ZDHHC15: variants seen among roughly 807,000 people sequenced by gnomAD.
ZDHHC15 encodes palmitoyltransferase ZDHHC15.
ZDHHC15 carries 19 observed loss-of-function variants against 31.7 expected under a neutral mutation model. The ratio of observed to expected loss-of-function variants is 0.60; its 90% CI spans 0.42 to 0.88. The LOEUF is 0.88. ZDHHC15 is among the 40% of genes least tolerant of loss of function. The probability of loss-of-function intolerance (pLI) is 0.00; values close to 1 mark genes in which losing one functional copy is unlikely to be tolerated. For synonymous variants in ZDHHC15, 103 were observed against 90.0 expected (o/e 1.14, Z -0.82); for missense variants, 209 against 251.2 (o/e 0.83, Z 1.14).
intron 1 of ZDHHC15, among the ~76,000 whole-genome samples, chrX:75,508,031 G>A (rs2085194531): frequency 9.0e-6 from 1 of 111,218 alleles, no homozygotes; most frequent in South Asian, 3.8e-4. Flanking sequence ...GATATAATGT[G>A]AGCCAGGTAG....
Position 75,517,030 on chromosome X carries a change from C to A in ZDHHC15, c.136+5859G>T, listed in dbSNP as rs1032002796. Among the ~76,000 whole-genome samples, 3 of 111,952 alleles carry A rather than the reference C, an allele frequency of 2.7e-5. No individual in the cohort carries two copies. In the Admixed American group the frequency reaches 2.8e-4, roughly 11 times the overall value. On this transcript the variant is annotated intron_variant, in intron 1 of 11. Coordinates refer to ENST00000373367, the MANE Select transcript of ZDHHC15 (RefSeq NM_144969.3). Reference sequence around the variant, plus strand: ...ATCAGAGAAATGCAAATCAAAACCACAATGAGATACCATCTCACACCAGTT... The same window carrying A: ...ATCAGAGAAATGCAAATCAAAACCAAAATGAGATACCATCTCACACCAGTT...
chrX:75,457,735 A>G (rs958608059), intron 3 of ZDHHC15, among the ~76,000 whole-genome samples: 1 of 110,789 alleles, frequency 9.0e-6, no homozygotes, highest in African/African-American at 3.3e-5. Flanking sequence ...ACATTCATGC[A>G]TTCAACCAAC....
In ZDHHC15 at chrX:75,444,288, A is replaced by G. The variant is rs1259841128; in HGVS notation, c.379+6514T>C. On this transcript the variant is annotated intron_variant, in intron 4 of 11. Transcript: ENST00000373367. The stretch of plus-strand genomic sequence containing the variant: ...ATACACCATGGAATACTATGCAGCC[A>G]TAAAAAAGGATGAGTTCATGTCCTT... Among the ~76,000 whole-genome samples, 4 of 109,628 alleles carry G rather than the reference A, an allele frequency of 3.6e-5. No individual in the cohort carries two copies. In the East Asian group the frequency reaches 1.2e-3, roughly 32 times the overall value.
Position 75,371,415 on chromosome X carries a change from G to C in ZDHHC15, c.*1563C>G, listed in dbSNP as rs1320988291. Reference sequence around the variant, plus strand: ...CTAGTATTCTCTCAAATGTAATGCTGACCACAATCCATTTAATTTATGCCA... The same window carrying C: ...CTAGTATTCTCTCAAATGTAATGCTCACCACAATCCATTTAATTTATGCCA... On this transcript the variant is annotated 3_prime_UTR_variant, in exon 12 of 12. Coordinates refer to ENST00000373367, the MANE Select transcript of ZDHHC15 (RefSeq NM_144969.3). 3.6e-5 allele frequency: 4 copies of C among 111,630 alleles called. No homozygotes were observed. The highest frequency in any genetic ancestry group is 1.3e-4 in the African/African-American group (4 of 30,674). 9.2% of individuals were successfully genotyped at this position (111,630 alleles called of 1,213,427 possible).
chrX:75,487,769 G>C (rs1040842363), intron 2 of ZDHHC15, among the ~76,000 whole-genome samples: 1 of 111,406 alleles, frequency 9.0e-6, no homozygotes. Context: ...CCAGCTTAAA[G>C]AAATTAAAAA....
At chrX:75,400,254 A>G (rs1263720801) in intron 10 of ZDHHC15, among the ~76,000 whole-genome samples, 1 of 111,945 alleles carries the variant, frequency 8.9e-6, no homozygotes, top group African/African-American at 3.2e-5. Flanking sequence ...CAGGAGCTGA[A>G]GGATAAAATA....
intron 3 of ZDHHC15, among the ~76,000 whole-genome samples, chrX:75,467,491 T>A (rs2084425356): frequency 8.9e-6 from 1 of 112,463 alleles, no homozygotes; most frequent in Non-Finnish European, 1.9e-5. Flanking sequence ...ATGAGGCAAT[T>A]GATGATAGAT....
chrX:75,459,238 C>A (rs1336050410), intron 3 of ZDHHC15, among the ~76,000 whole-genome samples: 2 of 110,775 alleles, frequency 1.8e-5, no homozygotes, highest in Non-Finnish European at 3.8e-5. Context: ...GTAGCCCCAG[C>A]AAGGTGGGAG....
chrX:75,508,578 T>G, intron 1 of ZDHHC15, among the ~76,000 whole-genome samples: 1 of 109,846 alleles, frequency 9.1e-6, no homozygotes, highest in Non-Finnish European at 1.9e-5. Context: ...TGCAAGTCTT[T>G]GCTATTGTGA....
intron 4 of ZDHHC15, among the ~76,000 whole-genome samples, chrX:75,437,368 G>C (rs1329517905): frequency 1.1e-5 from 1 of 95,124 alleles, no homozygotes; most frequent in Non-Finnish European, 2.1e-5. Flanking sequence ...CATGTGCCAT[G>C]CTGGTGTGCT....
chrX:75,470,391 C>T (rs1316781747), intron 3 of ZDHHC15, among the ~76,000 whole-genome samples: 5 of 110,920 alleles, frequency 4.5e-5, no homozygotes, highest in Non-Finnish European at 7.5e-5. Flanking sequence ...TTAACAAACT[C>T]CTGGAGTTTC....
chrX:75,508,676 C>T (rs75541614), intron 1 of ZDHHC15, among the ~76,000 whole-genome samples: 19,798 of 109,722 alleles, frequency 0.18, 1,960 homozygotes, highest in East Asian at 0.85. Flanking sequence ...AATGGGGTGG[C>T]TGGGTCAAAT....
At chrX:75,390,833 A>G (rs2083235067) in intron 10 of ZDHHC15, among the ~76,000 whole-genome samples, 1 of 111,906 alleles carries the variant, frequency 8.9e-6, no homozygotes, top group Admixed American at 9.5e-5. Context: ...CACAGTATCA[A>G]GACCATCCAG....
At chrX:75,470,021 G>T (rs1324205081) in intron 3 of ZDHHC15, among the ~76,000 whole-genome samples, 1 of 111,376 alleles carries the variant, frequency 9.0e-6, no homozygotes. Context: ...GCTTCTTTGT[G>T]ATGGTTAATA....
intron 8 of ZDHHC15, 56 bp from the exon 9 acceptor site, chrX:75,422,046 T>C: frequency 8.7e-7 from 1 of 1,150,008 alleles, no homozygotes; most frequent in South Asian, 2.1e-5. Context: ...AAGAAACAAA[T>C]TTCAGCATAG....
chrX:75,508,658 T>A (rs2085209124), intron 1 of ZDHHC15, among the ~76,000 whole-genome samples: 1 of 110,789 alleles, frequency 9.0e-6, no homozygotes, highest in Non-Finnish European at 1.9e-5. Context: ...TCTGGGTATA[T>A]ACCCAGTAAT....
At chrX:75,384,342 C>T in intron 10 of ZDHHC15, 1 of 890,353 alleles carries the variant, frequency 1.1e-6, no homozygotes, top group Non-Finnish European at 1.6e-6. Context: ...AGTAATTCGC[C>T]AAAATGACGA....
At chrX:75,448,280 T>A (rs1418934334) in intron 4 of ZDHHC15, among the ~76,000 whole-genome samples, 1 of 111,704 alleles carries the variant, frequency 9.0e-6, no homozygotes, top group Non-Finnish European at 1.9e-5. Context: ...CCACGTCAGG[T>A]AAAAAACCAG....
chrX:75,500,952 ATCTT>A (rs2085078526), intron 2 of ZDHHC15, among the ~76,000 whole-genome samples: 1 of 110,576 alleles, frequency 9.0e-6, no homozygotes, highest in African/African-American at 3.3e-5. Context: ...CACAAAGCAG[ATCTT>A]TCTTTTATTT....
Sources: gnomAD v4.1 joint callset for allele counts (sites outside exome capture counted in the v4.1 genomes callset) on GRCh38, gnomAD v4.1.1 for gene constraint, MANE v1.5 for transcripts, NCBI Gene and HGNC (gene_info 2026-07-23, HGNC 2026-07-21) for gene names.